TENM1: variants seen among roughly 807,000 people sequenced by gnomAD.
TENM1 encodes teneurin-1.
In TENM1, 35 loss-of-function variants were observed where a neutral mutation model predicts 174.8. That is an observed-to-expected ratio of 0.20 (90% CI 0.15 to 0.27). TENM1 has a LOEUF of 0.27. Among genes scored for constraint, TENM1 ranks in the 10% least tolerant of loss-of-function variants. The pLI, the probability that TENM1 is intolerant of heterozygous loss-of-function variation, is 1.00. For synonymous variants in TENM1, 781 were observed against 798.7 expected (o/e 0.98, Z 0.37); for missense variants, 1,633 against 2,130.1 (o/e 0.77, Z 4.59).
At chrX:124,778,331 C>T (rs2054831392) in intron 3 of TENM1, among the ~76,000 whole-genome samples, 1 of 111,831 alleles carries the variant, frequency 8.9e-6, no homozygotes, top group Admixed American at 9.5e-5. Context: ...GGCTTGTTAG[C>T]AGGACTCCAT....
chrX:124,752,429 C>T, intron 3 of TENM1, among the ~76,000 whole-genome samples: 1 of 110,914 alleles, frequency 9.0e-6, no homozygotes, highest in African/African-American at 3.3e-5. Flanking sequence ...AAATTTTCTC[C>T]CATTTTGTAG....
intron 22 of TENM1, among the ~76,000 whole-genome samples, chrX:124,470,118 C>G (rs923719848): frequency 9.0e-6 from 1 of 111,236 alleles, no homozygotes; most frequent in South Asian, 3.8e-4. Context: ...AAAAATTAAC[C>G]CTATGTATAT....
At position 124,479,584 on chromosome X, in the gene TENM1, G is replaced by C. The variant is rs753042696; in HGVS notation, c.3949+2148C>G. On this transcript the variant is annotated intron_variant, in intron 22 of 31. Transcript: ENST00000422452. Reference sequence around the variant, plus strand: ...TGTTCATCAGTACTTTATTACTGCTGCTTTCCAAGAAAAAAAAAAGCTGCA... The same window carrying C: ...TGTTCATCAGTACTTTATTACTGCTCCTTTCCAAGAAAAAAAAAAGCTGCA... 2.7e-5 allele frequency among the ~76,000 whole-genome samples: 3 copies of C among 110,955 alleles called. No individual in the cohort carries two copies. The South Asian group carries it at 1.2e-3, about 43-fold the overall frequency.
the TENM1 span, among the ~76,000 whole-genome samples, chrX:125,195,827 T>C: frequency 0.015 from 1,655 of 110,716 alleles, 34 homozygotes; most frequent in African/African-American, 0.051. Flanking sequence ...TATAATTATC[T>C]GGAACATATA....
intron 1 of TENM1, among the ~76,000 whole-genome samples, chrX:124,906,844 T>A (rs1251408876): frequency 1.8e-5 from 2 of 111,693 alleles, no homozygotes; most frequent in African/African-American, 6.5e-5. Flanking sequence ...CTTCCAGGTA[T>A]GTAAGTATCC....
At chrX:124,969,741 C>T in the TENM1 span, among the ~76,000 whole-genome samples, 2 of 108,816 alleles carry the variant, frequency 1.8e-5, no homozygotes, top group Non-Finnish European at 3.8e-5. Context: ...TCCAATGGCC[C>T]GACTCTTAAC....
At position 124,383,893 on chromosome X, in the gene TENM1, G is replaced by A. The variant is rs750344913; in HGVS notation, c.7038C>T (p.Tyr2346=). ...CATGATAGATATCGCCATAAGGTGT[G>A]TATAGTATCTCCTTTATGACCTGAC... Residue 2346 remains tyrosine (Y), a synonymous_variant, in exon 30 of 32, where the codon TAC becomes TAT. Coordinates refer to ENST00000422452, the Ensembl canonical transcript of TENM1. The A allele has an allele frequency of 4.1e-6, 5 of 1,209,852 alleles. No homozygotes were observed. In the Admixed American group the frequency reaches 1.1e-4, roughly 26 times the overall value.
chrX:124,696,833 T>TATTTG (rs1353541696), intron 5 of TENM1, among the ~76,000 whole-genome samples: 1 of 111,477 alleles, frequency 9.0e-6, no homozygotes, highest in Non-Finnish European at 1.9e-5. Context: ...AATAATGGGC[T>TATTTG]ATTTGATTTA....
At chrX:124,491,480 C>A (rs948088883) in intron 20 of TENM1, among the ~76,000 whole-genome samples, 2 of 111,224 alleles carry the variant, frequency 1.8e-5, no homozygotes, top group Non-Finnish European at 3.8e-5. Context: ...TTTTTAAAGT[C>A]GCAGAGGTTT....
At chrX:124,663,079 C>T (rs1413288761) in intron 6 of TENM1, among the ~76,000 whole-genome samples, 1 of 111,750 alleles carries the variant, frequency 8.9e-6, no homozygotes, top group Non-Finnish European at 1.9e-5. Flanking sequence ...TTGAGGTGGT[C>T]AGGTATGGTT....
At chrX:124,842,356 G>A (rs1334686788) in intron 3 of TENM1, among the ~76,000 whole-genome samples, 1 of 111,607 alleles carries the variant, frequency 9.0e-6, no homozygotes, top group Non-Finnish European at 1.9e-5. Context: ...AACAATCAAA[G>A]TCAATATGCG....
intron 3 of TENM1, among the ~76,000 whole-genome samples, chrX:124,819,653 A>G (rs766850935): frequency 9.0e-6 from 1 of 111,495 alleles, no homozygotes; most frequent in East Asian, 2.8e-4. Flanking sequence ...TAATTGTAGG[A>G]AACTTCCCTT....
At chrX:125,172,947 A>G in the TENM1 span, among the ~76,000 whole-genome samples, 3 of 111,543 alleles carry the variant, frequency 2.7e-5, no homozygotes, top group Non-Finnish European at 3.8e-5. Context: ...AAGCATCTCA[A>G]CTGCAAGAAA....
rs761435696 is a variant in TENM1 at position 124,820,162 on chromosome X, A to G, written c.535+74134T>C. Among the ~76,000 whole-genome samples, 373 of 110,905 alleles carry G rather than the reference A, an allele frequency of 3.4e-3. 5 individuals are homozygous for G. The highest frequency in any genetic ancestry group is 3.7e-3 in the Non-Finnish European group (198 of 52,939). ...ATTTTGCCTTAATTTCAGTTCTCCA[A>G]CATGCAGCCCATCATTTTCATTTCA... On this transcript the variant is annotated intron_variant, in intron 3 of 31. Coordinates refer to ENST00000422452, the Ensembl canonical transcript of TENM1.
the TENM1 span, among the ~76,000 whole-genome samples, chrX:124,992,021 T>C: frequency 9.0e-6 from 1 of 111,040 alleles, no homozygotes; most frequent in Non-Finnish European, 1.9e-5. Flanking sequence ...CAAAAGTCCT[T>C]CTAAGGAAGG....
At chrX:125,166,106 G>C in the TENM1 span, among the ~76,000 whole-genome samples, 23 of 110,898 alleles carry the variant, frequency 2.1e-4, no homozygotes, top group African/African-American at 7.5e-4. Context: ...TATATGCATT[G>C]GCTCTTTTCA....
At chrX:124,817,471 C>A (rs2055927946) in intron 3 of TENM1, among the ~76,000 whole-genome samples, 1 of 111,977 alleles carries the variant, frequency 8.9e-6, no homozygotes, top group African/African-American at 3.2e-5. Flanking sequence ...TGCCTTCAGA[C>A]CCTATATCCT....
intron 1 of TENM1, among the ~76,000 whole-genome samples, chrX:124,904,634 A>G (rs1015330257): frequency 4.4e-5 from 5 of 112,593 alleles, no homozygotes; most frequent in Non-Finnish European, 7.5e-5. Flanking sequence ...TCAGGAAAAT[A>G]CAATTTATAA....
At chrX:124,870,418 T>C (rs2057088011) in intron 3 of TENM1, among the ~76,000 whole-genome samples, 1 of 111,473 alleles carries the variant, frequency 9.0e-6, no homozygotes, top group Non-Finnish European at 1.9e-5. Context: ...GGTTCATACA[T>C]GCTATGGAAA....
Sources: allele counts gnomAD v4.1 joint callset (sites outside exome capture counted in the v4.1 genomes callset), GRCh38; gene constraint gnomAD v4.1.1; transcripts MANE v1.5; gene names NCBI Gene and HGNC (gene_info 2026-07-23, HGNC 2026-07-21).